Variants in NTRK2 observed in about 807,000 individuals in gnomAD.
NTRK2 encodes BDNF/NT-3 growth factors receptor.
Under a neutral mutation model 94.5 loss-of-function variants are expected in NTRK2, and 13 were observed. The observed-to-expected ratio is 0.14, with a 90% CI of 0.09 to 0.22. NTRK2 has a LOEUF of 0.22. Ranked by LOEUF, NTRK2 falls within the 10% of genes least tolerant of loss-of-function variation. The probability of loss-of-function intolerance (pLI) is 1.00; values close to 1 mark genes in which losing one functional copy is unlikely to be tolerated. For synonymous variants in NTRK2, 372 were observed against 407.4 expected (o/e 0.91, Z 1.05); for missense variants, 639 against 1,071.2 (o/e 0.60, Z 5.63).
intron 14 of NTRK2, among the ~76,000 whole-genome samples, chr9:84,891,273 G>T (rs954138425): frequency 7.6e-6 from 1 of 132,046 alleles, no homozygotes; most frequent in African/African-American, 3.3e-5. Context: ...GAAAGCTTAG[G>T]TTCTAGAATG....
At chr9:84,717,593 A>G (rs887913444) in intron 6 of NTRK2, among the ~76,000 whole-genome samples, 1 of 152,208 alleles carries the variant, frequency 6.6e-6, no homozygotes, top group South Asian at 2.1e-4. Context: ...TGATAGCCTT[A>G]ACTTCTTCAT....
At chr9:84,798,655 A>G (rs2069941653) in intron 12 of NTRK2, among the ~76,000 whole-genome samples, 1 of 152,198 alleles carries the variant, frequency 6.6e-6, no homozygotes, top group Admixed American at 6.5e-5. Flanking sequence ...TCCCGGATAC[A>G]GTGATAAGAC....
chr9:84,914,613 G>A (rs1050041307), intron 14 of NTRK2, among the ~76,000 whole-genome samples: 2 of 152,186 alleles, frequency 1.3e-5, no homozygotes, highest in Non-Finnish European at 2.9e-5. Flanking sequence ...ATGCGGGTAG[G>A]AGTGGCTTTG....
intron 12 of NTRK2, among the ~76,000 whole-genome samples, chr9:84,760,907 A>T (rs998136304): frequency 6.6e-6 from 1 of 152,228 alleles, no homozygotes; most frequent in Non-Finnish European, 1.5e-5. Flanking sequence ...CTTAATTCTG[A>T]TGTATGTACA....
intron 14 of NTRK2, chr9:84,875,084 A>T: frequency 9.4e-7 from 1 of 1,060,514 alleles, no homozygotes; most frequent in Non-Finnish European, 1.1e-6. Flanking sequence ...TTAACCACTG[A>T]TATCGTTTGG....
chr9:84,728,609 T>C (rs541362122), intron 9 of NTRK2, among the ~76,000 whole-genome samples: 20 of 152,192 alleles, frequency 1.3e-4, no homozygotes, highest in South Asian at 4.1e-4. Context: ...AGGAGAATTC[T>C]GGTTTCTCAT....
intron 6 of NTRK2, among the ~76,000 whole-genome samples, chr9:84,720,529 T>G (rs1186887665): frequency 6.6e-6 from 1 of 152,226 alleles, no homozygotes; most frequent in East Asian, 1.9e-4. Context: ...TGGCCAATAA[T>G]ATTGTCCTAC....
At position 85,025,136 on chromosome 9, in the gene NTRK2, C is replaced by T. The variant is rs1832973502; in HGVS notation, c.*3699C>T. 4.3e-6 allele frequency: 1 copy of T among 233,032 alleles called. No individual in the cohort carries two copies. Among genetic ancestry groups the T allele is most frequent in the Non-Finnish European group, 8.5e-6 (1 of 117,972 alleles). 14.4% of individuals were successfully genotyped at this position (233,032 alleles called of 1,614,324 possible). ...TAGGACTACATCACACTTTTCAACT[C>T]TGTGCAGTACTGCATGGGTGGAAGA... On this transcript the variant is annotated 3_prime_UTR_variant, in exon 19 of 19. Transcript: ENST00000277120.
chr9:84,710,499 C>T, intron 5 of NTRK2, 138 bp from the exon 6 acceptor site: 1 of 840,294 alleles, frequency 1.2e-6, no homozygotes, highest in Non-Finnish European at 2.0e-6. Flanking sequence ...ATAATAAGTA[C>T]TGTCATGCTA....
chr9:84,693,599 A>G (rs1226568491), intron 2 of NTRK2, among the ~76,000 whole-genome samples: 2 of 152,216 alleles, frequency 1.3e-5, no homozygotes, highest in Non-Finnish European at 2.9e-5. Context: ...CCAGCTAGTT[A>G]GTAACCAAGC....
chr9:84,826,798 C>T (rs1235651386), intron 12 of NTRK2, among the ~76,000 whole-genome samples: 2 of 152,190 alleles, frequency 1.3e-5, no homozygotes, highest in Non-Finnish European at 2.9e-5. Context: ...TACCACCACT[C>T]ATTCATTCAT....
chr9:84,795,427 C>T (rs559729578), intron 12 of NTRK2, among the ~76,000 whole-genome samples: 1 of 152,270 alleles, frequency 6.6e-6, no homozygotes, highest in Non-Finnish European at 1.5e-5. Flanking sequence ...TAACTTACTG[C>T]CCTGGGCTCT....
chr9:84,902,019 C>A (rs2076944283), intron 14 of NTRK2, among the ~76,000 whole-genome samples: 1 of 151,924 alleles, frequency 6.6e-6, no homozygotes, highest in South Asian at 2.1e-4. Flanking sequence ...CATGGTGAAA[C>A]CCTGTCTCTA....
intron 17 of NTRK2, among the ~76,000 whole-genome samples, chr9:85,012,010 A>T (rs1831651308): frequency 6.3e-5 from 1 of 15,846 alleles, no homozygotes; most frequent in Admixed American, 6.3e-4. Flanking sequence ...TACTTTTGAG[A>T]TGGAGTCTCA....
chr9:84,860,453 T>G (rs10119181), intron 12 of NTRK2, among the ~76,000 whole-genome samples: 17,382 of 152,078 alleles, frequency 0.11, 1,233 homozygotes, highest in East Asian at 0.22. Flanking sequence ...AGAATTAAGA[T>G]CTTTTTTTCC....
intron 17 of NTRK2, among the ~76,000 whole-genome samples, chr9:85,006,593 G>A (rs560363800): frequency 2.0e-5 from 3 of 152,270 alleles, no homozygotes; most frequent in African/African-American, 7.2e-5. Context: ...ACTACAGGAG[G>A]AGCAAAAGAA....
intron 14 of NTRK2, among the ~76,000 whole-genome samples, chr9:84,917,800 G>A (rs1390472518): frequency 6.6e-6 from 1 of 152,290 alleles, no homozygotes; most frequent in South Asian, 2.1e-4. Context: ...TCTGCTCAAT[G>A]AGCCAACAAA....
At chr9:84,909,049 C>T (rs1443988210) in intron 14 of NTRK2, among the ~76,000 whole-genome samples, 1 of 152,108 alleles carries the variant, frequency 6.6e-6, no homozygotes, top group East Asian at 1.9e-4. Context: ...CCACAAGGAT[C>T]CCTCATGCTG....
chr9:84,700,213 G>C (rs973876567), intron 2 of NTRK2, among the ~76,000 whole-genome samples: 1 of 152,076 alleles, frequency 6.6e-6, no homozygotes, highest in Non-Finnish European at 1.5e-5. Context: ...TAAAATTCAG[G>C]GCTCTTTAGA....
Sources: allele counts gnomAD v4.1 joint callset (sites outside exome capture counted in the v4.1 genomes callset), GRCh38; gene constraint gnomAD v4.1.1; transcripts MANE v1.5; gene names NCBI Gene and HGNC (gene_info 2026-07-23, HGNC 2026-07-21).